Variants in SNED1 observed in about 807,000 individuals in gnomAD.
SNED1 encodes the protein sushi, nidogen and EGF like domains 1.
SNED1 carries 81 observed loss-of-function variants against 166.7 expected under a neutral mutation model. The ratio of observed to expected loss-of-function variants is 0.49; its 90% CI spans 0.41 to 0.58. SNED1 has a LOEUF of 0.58. Ranked by LOEUF, SNED1 falls within the 20% of genes least tolerant of loss-of-function variation. The pLI, the probability that SNED1 is intolerant of heterozygous loss-of-function variation, is 0.00. For missense variants in SNED1, 1,604 were observed against 2,000.2 expected (o/e 0.80, Z 3.78); for synonymous variants, 762 against 822.0 (o/e 0.93, Z 1.25).
chr2:241,064,740 C>T lies in SNED1; in HGVS notation c.2600-104C>T. Reference sequence around the variant, plus strand: ...AGCTGTCCTGTGCCCCCCGCCCCTCCACACCCACGCAGGAGGGACCCAGTG... The same window carrying T: ...AGCTGTCCTGTGCCCCCCGCCCCTCTACACCCACGCAGGAGGGACCCAGTG... On this transcript the variant is annotated intron_variant, in intron 19 of 31. Transcript: ENST00000310397. This position sits in a 1 kb window ranked among gnomAD's most constrained non-coding sequence, Gnocchi z 7.0. 1 of 775,130 alleles carries T rather than the reference C, an allele frequency of 1.3e-6. No individual in the cohort carries two copies. The highest frequency in any genetic ancestry group is 2.0e-6 in the Non-Finnish European group (1 of 494,530). The allele number at this position is 775,130 out of a possible 1,614,324, so 48.0% of individuals were successfully genotyped here.
At chr2:241,081,352 G>C (rs187375896) in intron 27 of SNED1, among the ~76,000 whole-genome samples, 2 of 152,164 alleles carry the variant, frequency 1.3e-5, no homozygotes, top group Non-Finnish European at 2.9e-5. Context: ...ACAGGCCAGT[G>C]GGGGCTCAGC....
chr2:241,057,928 AAGTAATC>A (rs1375977940), intron 16 of SNED1, among the ~76,000 whole-genome samples: 2 of 152,208 alleles, frequency 1.3e-5, no homozygotes, highest in African/African-American at 4.8e-5. Flanking sequence ...AAGGAGAAAA[AAGTAATC>A]AGAAGAACAT....
chr2:241,087,451 C>T lies in SNED1; in HGVS notation c.4181C>T (p.Thr1394Ile), dbSNP rs751218942. Residue 1394 changes from threonine to isoleucine, a missense_variant, in exon 30 of 32, where the codon ACA (threonine) becomes ATA (isoleucine). Physicochemically the swap from Thr to Ile is moderately conservative, Grantham distance 89. Transcript: ENST00000310397. ...TGCTTCAAAGAGAGCTGTGAAAGCA[C>T]AAGCCTCAAGAAGACCCCAAACAGG... ...DICFKESCES[T>I]SLKKTPNRKQ... The T allele has an allele frequency of 2.5e-6, 4 of 1,601,962 alleles. No individual in the cohort carries two copies. Among genetic ancestry groups the T allele is most frequent in the Non-Finnish European group, 8.5e-7 (1 of 1,174,490 alleles).
At chr2:241,066,055 G>A (rs1252090920) in intron 21 of SNED1, among the ~76,000 whole-genome samples, 1 of 152,182 alleles carries the variant, frequency 6.6e-6, no homozygotes, top group East Asian at 1.9e-4. Flanking sequence ...CTAAGGGGAG[G>A]CATCGGTGGC....
At position 241,051,643 on chromosome 2, in the gene SNED1, C is replaced by G. The variant is rs2061845045; in HGVS notation, c.1736-101C>G. On this transcript the variant is annotated intron_variant, in intron 12 of 31. Coordinates refer to ENST00000310397, the MANE Select transcript of SNED1 (RefSeq NM_001080437.3). This position sits in a 1 kb window ranked among gnomAD's most constrained non-coding sequence, Gnocchi z 4.7. ...GCCCCAGGGCTTCGTCGAGAAGGCC[C>G]CACCAGCACCAGAGGACTGAGGAGA... The G allele has an allele frequency of 2.1e-6, 2 of 961,498 alleles. No individual in the cohort carries two copies. The highest frequency in any genetic ancestry group is 1.5e-6 in the Non-Finnish European group (1 of 678,020). The allele number at this position is 961,498 out of a possible 1,614,324, so 59.6% of individuals were successfully genotyped here. A position where few individuals can be genotyped will look rare whatever the true frequency, so the allele number is the denominator to read the frequency against.
chr2:241,089,346 G>A, intron 31 of SNED1: 2 of 1,550,598 alleles, frequency 1.3e-6, no homozygotes, highest in East Asian at 4.9e-5. Flanking sequence ...TTCAAAACAG[G>A]TCTATGTTTT....
At chr2:241,040,659 G>T (rs936956997) in intron 8 of SNED1, among the ~76,000 whole-genome samples, 1 of 152,198 alleles carries the variant, frequency 6.6e-6, no homozygotes, top group African/African-American at 2.4e-5. Context: ...GCTGTGTGAG[G>T]CTGAGCAACC....
chr2:241,036,064 G>GTGGGGGT (rs1178737215), intron 4 of SNED1, among the ~76,000 whole-genome samples: 4 of 106,974 alleles, frequency 3.7e-5, no homozygotes, highest in African/African-American at 3.6e-5. Flanking sequence ...GCGTCACAGG[G>GTGGGGGT]TGGGGGGTGG....
In SNED1 at chr2:241,073,394, G is replaced by A. The variant is rs1320234215; in HGVS notation, c.3916+30G>A. On this transcript the variant is annotated intron_variant, in intron 27 of 31. Transcript: ENST00000310397. This position sits in a 1 kb window ranked among gnomAD's most constrained non-coding sequence, Gnocchi z 6.6. The stretch of plus-strand genomic sequence containing the variant: ...GTCAGCAGCGCTGGTGGGGACTTTG[G>A]GACTGACTGACTGCTCTCAGGGGCC... 1.3e-6 allele frequency: 2 copies of A among 1,524,822 alleles called. No homozygotes were observed. Among genetic ancestry groups the A allele is most frequent in the Non-Finnish European group, 1.8e-6 (2 of 1,122,356 alleles). The allele number at this position is 1,524,822 out of a possible 1,614,324, so 94.5% of individuals were successfully genotyped here. A position where few individuals can be genotyped will look rare whatever the true frequency, so the allele number is the denominator to read the frequency against.
intron 16 of SNED1, among the ~76,000 whole-genome samples, chr2:241,055,517 C>T (rs1264366511): frequency 6.6e-6 from 1 of 152,130 alleles, no homozygotes; most frequent in Non-Finnish European, 1.5e-5. Flanking sequence ...TCACAGAATA[C>T]CACCACTGTC....
chr2:241,022,634 C>G (rs2060806780), intron 1 of SNED1, among the ~76,000 whole-genome samples: 1 of 152,192 alleles, frequency 6.6e-6, no homozygotes, highest in South Asian at 2.1e-4. Context: ...ACTGCAAACA[C>G]TTACCACTTG....
At chr2:241,014,185 T>G (rs2060502044) in intron 1 of SNED1, among the ~76,000 whole-genome samples, 1 of 152,130 alleles carries the variant, frequency 6.6e-6, no homozygotes, top group African/African-American at 2.4e-5. Flanking sequence ...AGTTTTGTAT[T>G]TTTAGGAGAG....
chr2:241,011,635 A>G (rs963186848), intron 1 of SNED1, among the ~76,000 whole-genome samples: 11 of 152,246 alleles, frequency 7.2e-5, no homozygotes, highest in Non-Finnish European at 1.6e-4. Flanking sequence ...AAGTAGGCAA[A>G]TAACAATAAT....
chr2:241,008,585 C>G (rs2060292438), intron 1 of SNED1, among the ~76,000 whole-genome samples: 1 of 152,226 alleles, frequency 6.6e-6, no homozygotes, highest in Admixed American at 6.5e-5. Context: ...GCAGGTGGGA[C>G]ACCCCATACA....
chr2:241,048,870 T>C lies in SNED1; in HGVS notation c.1504+104T>C, dbSNP rs1015810220. On this transcript the variant is annotated intron_variant, in intron 10 of 31. Coordinates refer to ENST00000310397, the MANE Select transcript of SNED1 (RefSeq NM_001080437.3). The stretch of plus-strand genomic sequence containing the variant: ...GTCCGTAGGTCCAGACTGTCGACCA[T>C]TGGTTCTACCCCCACCCAGGAGGGA... The C allele has an allele frequency of 1.2e-5, 14 of 1,208,646 alleles. No homozygotes were observed. The African/African-American group carries it at 1.4e-4, about 12-fold the overall frequency. 74.9% of individuals were successfully genotyped at this position (1,208,646 alleles called of 1,614,324 possible).
At chr2:241,003,678 C>A (rs1352703612) in intron 1 of SNED1, among the ~76,000 whole-genome samples, 1 of 152,210 alleles carries the variant, frequency 6.6e-6, no homozygotes, top group Non-Finnish European at 1.5e-5. Flanking sequence ...GGTAGGGGGT[C>A]CTGGCTGCAT....
chr2:241,070,528 G>A (rs2062655052), intron 24 of SNED1, among the ~76,000 whole-genome samples: 1 of 152,232 alleles, frequency 6.6e-6, no homozygotes, highest in African/African-American at 2.4e-5. Flanking sequence ...GGAAGCCCCC[G>A]GAAGTGGCCT....
chr2:241,039,941 GAA>G, intron 6 of SNED1, 132 bp from the exon 7 acceptor site: 1 of 708,806 alleles, frequency 1.4e-6, no homozygotes, highest in South Asian at 1.8e-5. Context: ...CGCCCGCTCA[GAA>G]ACCTGCCTGC....
chr2:241,037,582 G>A lies in SNED1; in HGVS notation c.1045+229G>A, dbSNP rs7569611. 8.4e-3 allele frequency among the ~76,000 whole-genome samples: 1,283 copies of A among 152,346 alleles called. 18 individuals carry two copies. The highest frequency in any genetic ancestry group is 0.03 in the African/African-American group (1,236 of 41,578). ...CAGTCACACAGGCTTCCTAGACCAT[G>A]GCATTCGGACCAGGGATGGGGCCTC... is the stretch of plus-strand genomic sequence containing the variant. On this transcript the variant is annotated intron_variant, in intron 6 of 31. Coordinates refer to ENST00000310397, the MANE Select transcript of SNED1 (RefSeq NM_001080437.3).
Sources: gnomAD v4.1 joint callset for allele counts (sites outside exome capture counted in the v4.1 genomes callset) on GRCh38, gnomAD v4.1.1 for gene constraint, Gnocchi (gnomAD v3.1) non-coding constraint, MANE v1.5 for transcripts, NCBI Gene and HGNC (gene_info 2026-07-23, HGNC 2026-07-21) for gene names.